SEZ6: variants seen among roughly 807,000 people sequenced by gnomAD.
SEZ6 encodes seizure protein 6 homolog.
SEZ6 carries 53 observed loss-of-function variants against 101.0 expected under a neutral mutation model. That is an observed-to-expected ratio of 0.52 (90% CI 0.42 to 0.66). The LOEUF (loss-of-function observed/expected upper bound fraction) is 0.66, where lower values mean the gene tolerates loss of function less well. Ranked by LOEUF, SEZ6 falls within the 30% of genes least tolerant of loss-of-function variation. The pLI, the probability that SEZ6 is intolerant of heterozygous loss-of-function variation, is 0.00. For synonymous variants in SEZ6, 488 were observed against 512.2 expected, an observed-to-expected ratio of 0.95 and a Z score of 0.64; for missense variants, 1,102 against 1,289.4, an observed-to-expected ratio of 0.85 and a Z score of 2.23.
In SEZ6 at chr17:28,957,851, A is replaced by T. The variant is rs2040909158; in HGVS notation, c.2302+96T>A. 4 of 1,370,322 alleles carry T rather than the reference A, an allele frequency of 2.9e-6. No homozygotes were observed. The Admixed American group carries it at 6.6e-5, about 22-fold the overall frequency. The allele number at this position is 1,370,322 out of a possible 1,614,324, so 84.9% of individuals were successfully genotyped here. A position where few individuals can be genotyped will look rare whatever the true frequency, so the allele number is the denominator to read the frequency against. On this transcript the variant is annotated intron_variant, in intron 11 of 16. Transcript: ENST00000317338. The stretch of plus-strand genomic sequence containing the variant: ...TATAAGAGGTGAAGGAACTTTGAAG[A>T]TACTAGCTAATAACAGCTACAGTCT...
intron 4 of SEZ6, among the ~76,000 whole-genome samples, chr17:28,968,552 T>C (rs555155771): frequency 6.6e-6 from 1 of 152,280 alleles, no homozygotes; most frequent in African/African-American, 2.4e-5. Context: ...CGCCTAGACG[T>C]TTCACCCTTG....
At chr17:28,977,665 G>T (rs1374219492) in intron 3 of SEZ6, among the ~76,000 whole-genome samples, 2 of 152,150 alleles carry the variant, frequency 1.3e-5, no homozygotes, top group Admixed American at 6.5e-5. Flanking sequence ...TGCCAGGGCT[G>T]GGCTCAGCCT....
chr17:28,991,235 C>T (rs1192326662), intron 1 of SEZ6, among the ~76,000 whole-genome samples: 6 of 151,428 alleles, frequency 4.0e-5, no homozygotes, highest in African/African-American at 7.3e-5. Context: ...GACGGAATCT[C>T]GCTCTGTCAC....
At chr17:28,976,689 A>G (rs2041225751) in intron 3 of SEZ6, among the ~76,000 whole-genome samples, 1 of 152,142 alleles carries the variant, frequency 6.6e-6, no homozygotes. Flanking sequence ...TCTTGGGCTG[A>G]GCCTCTGGCA....
Position 28,964,275 on chromosome 17 carries a change from G to C in SEZ6, c.1055-128C>G. ...TTTGGGGCCAGAGGAAGCACTAGGA[G>C]TTCCAAAACAACTCCAATCTCCTCC... On this transcript the variant is annotated intron_variant, in intron 4 of 16. Coordinates refer to ENST00000317338, the MANE Select transcript of SEZ6 (RefSeq NM_178860.5). 6 of 958,776 alleles carry C rather than the reference G, an allele frequency of 6.3e-6. No individual in the cohort carries two copies. The South Asian group carries it at 9.9e-5, about 16-fold the overall frequency. The allele number at this position is 958,776 out of a possible 1,614,324, so 59.4% of individuals were successfully genotyped here. A position where few individuals can be genotyped will look rare whatever the true frequency, so the allele number is the denominator to read the frequency against.
At chr17:29,003,444 G>A (rs755887274) in intron 1 of SEZ6, among the ~76,000 whole-genome samples, 31 of 152,368 alleles carry the variant, frequency 2.0e-4, no homozygotes, top group South Asian at 6.2e-4. Context: ...CATCTGGGCC[G>A]TGCCTGGCTA....
chr17:28,984,963 C>G (rs182553093), intron 1 of SEZ6, among the ~76,000 whole-genome samples: 4 of 152,314 alleles, frequency 2.6e-5, no homozygotes, highest in African/African-American at 9.6e-5. Context: ...GTGTCAGGCC[C>G]TTCCCAGACC....
chr17:28,956,247 CT>C lies in SEZ6; in HGVS notation c.2863del (p.Ser955AlafsTer18). On this transcript the variant is annotated frameshift_variant, in exon 16 of 17. Transcript: ENST00000317338. LOFTEE classifies it high-confidence loss of function. ...YFYFSRLQGK[S>X]SLQLPRPRPR... The stretch of plus-strand genomic sequence containing the variant: ...GCGGGGGCGGGGCAGCTGCAGGGAG[CT>C]TTTTCCCTGGAGCCTGTGGGGCAGA... The C allele has an allele frequency of 4.4e-6, 7 of 1,598,176 alleles. No homozygotes were observed. The highest frequency in any genetic ancestry group is 5.1e-6 in the Non-Finnish European group (6 of 1,172,708).
rs2152683667 is a variant in SEZ6 at position 28,959,608 on chromosome 17, CA to C, written c.1771+89del. 1 of 1,535,442 alleles carries C rather than the reference CA, an allele frequency of 6.5e-7. No individual in the cohort carries two copies. Among genetic ancestry groups the C allele is most frequent in the Admixed American group, 1.9e-5 (1 of 53,502 alleles). ...GAGGAAGCCTGAACCACGCATATCA[CA>C]GGGCCCCTGTGGCCCCGGGCTCTGC... On this transcript the variant is annotated intron_variant, in intron 8 of 16. Coordinates refer to ENST00000317338, the MANE Select transcript of SEZ6 (RefSeq NM_178860.5). This position sits in a 1 kb window ranked among gnomAD's most constrained non-coding sequence, Gnocchi z 4.4.
chr17:28,967,473 G>A (rs1361498470), intron 4 of SEZ6, among the ~76,000 whole-genome samples: 1 of 152,162 alleles, frequency 6.6e-6, no homozygotes, highest in Non-Finnish European at 1.5e-5. Context: ...AGGGGTCAGA[G>A]AAATCTGAGA....
chr17:28,988,214 G>C (rs2152690904), intron 1 of SEZ6, among the ~76,000 whole-genome samples: 1 of 152,236 alleles, frequency 6.6e-6, no homozygotes, highest in East Asian at 1.9e-4. Flanking sequence ...ATCCTTCACG[G>C]GTCAGTTCCT....
chr17:29,004,177 C>T (rs2041653618), intron 1 of SEZ6, among the ~76,000 whole-genome samples: 1 of 152,192 alleles, frequency 6.6e-6, no homozygotes, highest in African/African-American at 2.4e-5. Context: ...TCATGCAGGG[C>T]CCTGATTACT....
Position 28,981,652 on chromosome 17 carries a change from ATAG to A in SEZ6, c.440_442del (p.Pro147_Met148delinsLeu). Reference sequence around the variant, plus strand: ...AGGTAGGGGAGCTGTGATTCGAAGCATAGGGGACTCTGACTCCGGACTCCAGGG... The same window carrying A: ...AGGTAGGGGAGCTGTGATTCGAAGCAGGGACTCTGACTCCGGACTCCAGGG... On this transcript the variant is annotated inframe_deletion, in exon 2 of 17. Coordinates refer to ENST00000317338, the MANE Select transcript of SEZ6 (RefSeq NM_178860.5). 1 of 1,579,620 alleles carries A rather than the reference ATAG, an allele frequency of 6.3e-7. No individual in the cohort carries two copies. Among genetic ancestry groups the A allele is most frequent in the Non-Finnish European group, 8.6e-7 (1 of 1,158,940 alleles).
chr17:29,001,036 T>C (rs2152693811), intron 1 of SEZ6, among the ~76,000 whole-genome samples: 1 of 152,292 alleles, frequency 6.6e-6, no homozygotes, highest in African/African-American at 2.4e-5. Flanking sequence ...CTGAGCCACC[T>C]CAGGCTGATG....
In SEZ6 at chr17:28,956,731, G is replaced by T. The variant is rs774452127; in HGVS notation, c.2719C>A (p.Arg907Ser). 1.9e-6 allele frequency: 3 copies of T among 1,563,186 alleles called. No homozygotes were observed. Among genetic ancestry groups the T allele is most frequent in the East Asian group, 4.8e-5 (2 of 41,858 alleles). The stretch of plus-strand genomic sequence containing the variant: ...GGTGGAGACTTACCATCCAGGCTGC[G>T]ACTGTTGTAGAACCCATCCAGAGAG... ...AASLDGFYNS[R>S]SLDVAKAPAA... The change falls in exon 14 of 17, where the codon CGC (arginine) becomes AGC (serine). Residue 907 changes from arginine (R) to serine (S), a missense_variant. Physicochemically the swap from Arg to Ser is moderately radical, Grantham distance 110 (BLOSUM62 -1). This residue lies in a region of SEZ6 where 140 missense variants were observed against 135.7 expected (regional missense o/e 1.03). Transcript: ENST00000317338.
intron 1 of SEZ6, among the ~76,000 whole-genome samples, chr17:28,995,698 C>T (rs1954672421): frequency 6.6e-6 from 1 of 152,172 alleles, no homozygotes; most frequent in Non-Finnish European, 1.5e-5. Flanking sequence ...GTTCAGACCC[C>T]TTGAACTGCC....
intron 1 of SEZ6, among the ~76,000 whole-genome samples, chr17:28,988,420 T>C (rs1303434885): frequency 6.6e-6 from 1 of 152,212 alleles, no homozygotes; most frequent in Non-Finnish European, 1.5e-5. Flanking sequence ...CAAGCCCCGA[T>C]TCTGCCTCTC....
At chr17:28,972,222 T>C (rs2041161088) in intron 3 of SEZ6, among the ~76,000 whole-genome samples, 3 of 152,238 alleles carry the variant, frequency 2.0e-5, no homozygotes, top group Admixed American at 1.3e-4. Flanking sequence ...ATCTTGCTGT[T>C]AAAGCCCAGG....
chr17:28,976,882 C>A (rs1598195710), intron 3 of SEZ6, among the ~76,000 whole-genome samples: 1 of 152,226 alleles, frequency 6.6e-6, no homozygotes, highest in East Asian at 1.9e-4. Context: ...CTCCAGGAAG[C>A]CTTCCCTGAC....
Sources: gnomAD v4.1 joint callset for allele counts (sites outside exome capture counted in the v4.1 genomes callset) on GRCh38, gnomAD v4.1.1 for gene constraint, gnomAD v4.1.1 regional missense constraint, Gnocchi (gnomAD v3.1) non-coding constraint, MANE v1.5 for transcripts, NCBI Gene and HGNC (gene_info 2026-07-23, HGNC 2026-07-21) for gene names.